HCRTR2: variants seen among roughly 807,000 people sequenced by gnomAD.
HCRTR2 encodes the protein orexin receptor type 2.
A neutral mutation model predicts 49.0 loss-of-function variants in HCRTR2; 22 were observed. That is an observed-to-expected ratio of 0.45 (90% confidence interval 0.32 to 0.64). The LOEUF (loss-of-function observed/expected upper bound fraction) is 0.64. Among genes scored for constraint, HCRTR2 ranks in the 30% least tolerant of loss-of-function variants. HCRTR2 has a pLI of 0.04. For missense variants in HCRTR2, 491 were observed against 559.4 expected (o/e 0.88, Z 1.23); for synonymous variants, 236 against 205.3 (o/e 1.15, Z -1.28).
At chr6:55,212,288 A>G (rs956053382) in intron 1 of HCRTR2, among the ~76,000 whole-genome samples, 2 of 152,180 alleles carry the variant, frequency 1.3e-5, no homozygotes, top group Non-Finnish European at 2.9e-5. Flanking sequence ...TCCAAAGTAA[A>G]CATGGTTAGA....
At chr6:55,159,297 CAAA>C (rs1764773723) in intron 1 of HCRTR2, among the ~76,000 whole-genome samples, 1 of 151,690 alleles carries the variant, frequency 6.6e-6, no homozygotes, top group Non-Finnish European at 1.5e-5. Flanking sequence ...AAAACAAAAA[CAAA>C]AACAGCACAT....
At chr6:55,123,278 TC>T (rs1293202693) in intron 1 of HCRTR2, among the ~76,000 whole-genome samples, 1 of 152,100 alleles carries the variant, frequency 6.6e-6, no homozygotes, top group African/African-American at 2.4e-5. Flanking sequence ...CATAAATAGC[TC>T]TTTTTTTTGA....
intron 1 of HCRTR2, among the ~76,000 whole-genome samples, chr6:55,175,120 AGT>A (rs369907787): frequency 2.7e-5 from 4 of 149,278 alleles, no homozygotes; most frequent in African/African-American, 7.4e-5. Context: ...GATTTTGTTG[AGT>A]GTGTGTGTGT....
chr6:55,211,267 A>G (rs902509799), intron 1 of HCRTR2, among the ~76,000 whole-genome samples: 6 of 152,178 alleles, frequency 3.9e-5, no homozygotes, highest in African/African-American at 1.4e-4. Context: ...TTTATTCTAT[A>G]GCATTTGATC....
At chr6:55,275,391 C>T (rs1767058248) in intron 4 of HCRTR2, among the ~76,000 whole-genome samples, 1 of 152,018 alleles carries the variant, frequency 6.6e-6, no homozygotes, top group African/African-American at 2.4e-5. Flanking sequence ...GTTCCTGGAG[C>T]TCAGTAATGT....
chr6:55,145,571 T>C (rs1414082086), intron 1 of HCRTR2, among the ~76,000 whole-genome samples: 4 of 151,980 alleles, frequency 2.6e-5, no homozygotes, highest in Non-Finnish European at 4.4e-5. Context: ...CCACCGTGCC[T>C]GGCTAATTTT....
chr6:55,196,331 AATTTG>A (rs1765408940), intron 1 of HCRTR2, among the ~76,000 whole-genome samples: 1 of 152,200 alleles, frequency 6.6e-6, no homozygotes, highest in Non-Finnish European at 1.5e-5. Context: ...AATGAATTAT[AATTTG>A]ATGCACAAGG....
At chr6:55,161,150 A>G (rs926248399) in intron 1 of HCRTR2, among the ~76,000 whole-genome samples, 2 of 152,234 alleles carry the variant, frequency 1.3e-5, no homozygotes, top group Non-Finnish European at 2.9e-5. Context: ...ACCACAGTGC[A>G]ATCAAATAAG....
At chr6:55,137,879 T>C (rs1440196685) in intron 1 of HCRTR2, among the ~76,000 whole-genome samples, 1 of 152,212 alleles carries the variant, frequency 6.6e-6, no homozygotes, top group East Asian at 1.9e-4. Flanking sequence ...TATATAAATT[T>C]TAAAAAGACT....
intron 1 of HCRTR2, among the ~76,000 whole-genome samples, chr6:55,199,659 A>T (rs1029073455): frequency 7.2e-5 from 11 of 152,192 alleles, no homozygotes; most frequent in African/African-American, 2.4e-4. Context: ...AACATCTCTT[A>T]TGCGTACTTC....
chr6:55,151,617 A>G (rs942473319), intron 1 of HCRTR2, among the ~76,000 whole-genome samples: 5 of 151,982 alleles, frequency 3.3e-5, no homozygotes, highest in African/African-American at 9.7e-5. Flanking sequence ...GGCTGGAATC[A>G]GCTTCTTCCA....
At chr6:55,174,461 C>T (rs541721379), upstream of HCRTR2, 2 of 828,056 alleles carry the variant, frequency 2.4e-6, no homozygotes, top group South Asian at 2.7e-5. Flanking sequence ...TAACTTTTCA[C>T]GTCATTTTCT....
At chr6:55,171,172 G>GT (rs1764944694), upstream of HCRTR2, among the ~76,000 whole-genome samples, 2 of 152,246 alleles carry the variant, frequency 1.3e-5, no homozygotes, top group South Asian at 4.1e-4. Context: ...CTTCCACAAT[G>GT]ATTGAACTAG....
At chr6:55,207,745 A>G (rs1334689673) in intron 1 of HCRTR2, among the ~76,000 whole-genome samples, 1 of 152,218 alleles carries the variant, frequency 6.6e-6, no homozygotes, top group Non-Finnish European at 1.5e-5. Flanking sequence ...CTTGGGTGGA[A>G]GGTCAGTCAA....
intron 1 of HCRTR2, among the ~76,000 whole-genome samples, chr6:55,205,601 A>G (rs1002078773): frequency 6.6e-6 from 1 of 152,122 alleles, no homozygotes; most frequent in Non-Finnish European, 1.5e-5. Context: ...GAGGAATTGA[A>G]GACATTTATA....
upstream of HCRTR2, among the ~76,000 whole-genome samples, chr6:55,172,314 T>G (rs774232528): frequency 7.2e-5 from 11 of 152,152 alleles, no homozygotes; most frequent in Non-Finnish European, 1.0e-4. Context: ...CATCATCACC[T>G]CATCCTGTTT....
chr6:55,114,596 C>A (rs1382625223), intron 1 of HCRTR2, among the ~76,000 whole-genome samples: 1 of 151,774 alleles, frequency 6.6e-6, no homozygotes, highest in South Asian at 2.1e-4. Context: ...CTACCTTGCA[C>A]AAAAACAGGA....
chr6:55,161,518 C>G (rs1359886315), intron 1 of HCRTR2, among the ~76,000 whole-genome samples: 5 of 151,822 alleles, frequency 3.3e-5, no homozygotes, highest in Admixed American at 3.3e-4. Flanking sequence ...CACGAAAAAC[C>G]CTTCATAAAT....
At chr6:55,230,117 G>A (rs1766086379) in intron 1 of HCRTR2, among the ~76,000 whole-genome samples, 1 of 152,152 alleles carries the variant, frequency 6.6e-6, no homozygotes, top group Non-Finnish European at 1.5e-5. Flanking sequence ...TTACTGCTGA[G>A]ATAATTGAGA....
Sources: gnomAD v4.1 joint callset for allele counts (sites outside exome capture counted in the v4.1 genomes callset) on GRCh38, gnomAD v4.1.1 for gene constraint, MANE v1.5 for transcripts, NCBI Gene and HGNC (gene_info 2026-07-23, HGNC 2026-07-21) for gene names.